HPSE2: variants seen among roughly 807,000 people sequenced by gnomAD.
The protein encoded by HPSE2 is inactive heparanase-2.
Under a neutral mutation model 60.5 loss-of-function variants are expected in HPSE2, and 38 were observed. The ratio of observed to expected loss-of-function variants is 0.63; its 90% CI spans 0.48 to 0.82. The LOEUF is 0.82. Ranked by LOEUF, HPSE2 falls within the 40% of genes least tolerant of loss-of-function variation. The probability of loss-of-function intolerance (pLI) is 0.00; values close to 1 mark genes in which losing one functional copy is unlikely to be tolerated. For missense variants in HPSE2, 713 were observed against 740.4 expected, an observed-to-expected ratio of 0.96 and a Z score of 0.43; for synonymous variants, 295 against 293.2, an observed-to-expected ratio of 1.01 and a Z score of -0.06.
In HPSE2 at chr10:99,003,640, A is replaced by G. The variant is rs538661405; in HGVS notation, c.610+140598T>C. Among the ~76,000 whole-genome samples the G allele has an allele frequency of 2.6e-5, 4 of 152,180 alleles. No homozygotes were observed. In the South Asian group the frequency reaches 6.2e-4, roughly 24 times the overall value. The stretch of plus-strand genomic sequence containing the variant: ...CCATTTTTATAGCTTCTTTTGAGAT[A>G]TATCTATTCAGGTCCTTTGCCCAGT... On this transcript the variant is annotated intron_variant, in intron 3 of 11. Transcript: ENST00000370552.
intron 9 of HPSE2, among the ~76,000 whole-genome samples, chr10:98,530,464 T>C (rs1373471865): frequency 6.6e-6 from 1 of 152,198 alleles, no homozygotes; most frequent in African/African-American, 2.4e-5. Context: ...GGACTCTACT[T>C]TGAGAACTGT....
intron 3 of HPSE2, among the ~76,000 whole-genome samples, chr10:98,892,282 T>A (rs1426058796): frequency 6.6e-6 from 1 of 152,206 alleles, no homozygotes; most frequent in Non-Finnish European, 1.5e-5. Context: ...ATATCTCTGT[T>A]GCATTATCCG....
chr10:99,000,650 A>C (rs555791871), intron 3 of HPSE2, among the ~76,000 whole-genome samples: 68 of 152,218 alleles, frequency 4.5e-4, no homozygotes, highest in Middle Eastern at 3.4e-3. Context: ...TCAGGCAAGT[A>C]ATTAGGAAAA....
chr10:99,136,996 C>T (rs545590466), intron 3 of HPSE2, among the ~76,000 whole-genome samples: 3 of 152,278 alleles, frequency 2.0e-5, no homozygotes, highest in African/African-American at 4.8e-5. Flanking sequence ...AAAACCCCAT[C>T]TTCTCAGCCC....
At chr10:98,895,782 G>GT (rs1212555394) in intron 3 of HPSE2, among the ~76,000 whole-genome samples, 4 of 151,032 alleles carry the variant, frequency 2.6e-5, no homozygotes, top group Non-Finnish European at 5.9e-5. Flanking sequence ...CATGTCCTTT[G>GT]TAGGGACATG....
At chr10:98,873,322 G>A (rs1952783927) in intron 3 of HPSE2, among the ~76,000 whole-genome samples, 1 of 151,906 alleles carries the variant, frequency 6.6e-6, no homozygotes, top group Non-Finnish European at 1.5e-5. Context: ...GTGGTTTGCT[G>A]CACCTATTGA....
At chr10:99,181,756 G>A (rs558236642) in intron 2 of HPSE2, among the ~76,000 whole-genome samples, 36 of 152,212 alleles carry the variant, frequency 2.4e-4, no homozygotes, top group Middle Eastern at 3.4e-3. Context: ...GAGGTATAGC[G>A]TTAGGAGAAA....
chr10:99,169,842 T>A (rs1267857304), intron 2 of HPSE2, among the ~76,000 whole-genome samples: 1 of 152,128 alleles, frequency 6.6e-6, no homozygotes, highest in Non-Finnish European at 1.5e-5. Flanking sequence ...ACAGAAAGTA[T>A]TTTAGGTTTT....
At chr10:99,133,484 G>A (rs1473114950) in intron 3 of HPSE2, among the ~76,000 whole-genome samples, 1 of 152,160 alleles carries the variant, frequency 6.6e-6, no homozygotes, top group Non-Finnish European at 1.5e-5. Context: ...CCTCATACAG[G>A]AGAGCTCTGG....
intron 3 of HPSE2, among the ~76,000 whole-genome samples, chr10:99,046,354 CA>C (rs1957855008): frequency 1.3e-5 from 2 of 151,972 alleles, no homozygotes; most frequent in Non-Finnish European, 2.9e-5. Context: ...AGCTATATAA[CA>C]AACCCTCAGC....
chr10:99,045,726 A>G (rs1166791823), intron 3 of HPSE2, among the ~76,000 whole-genome samples: 2 of 152,170 alleles, frequency 1.3e-5, no homozygotes, highest in Non-Finnish European at 2.9e-5. Flanking sequence ...CACAAATTAG[A>G]AAATCTAGAG....
At chr10:98,768,369 C>A (rs10883196) in intron 3 of HPSE2, among the ~76,000 whole-genome samples, 3 of 152,034 alleles carry the variant, frequency 2.0e-5, no homozygotes, top group Non-Finnish European at 4.4e-5. Flanking sequence ...AGGAGGAAAG[C>A]GGGCAGGAGA....
At chr10:99,263,665 A>G in the HPSE2 span, among the ~76,000 whole-genome samples, 1 of 151,598 alleles carries the variant, frequency 6.6e-6, no homozygotes, top group South Asian at 2.1e-4. Context: ...GGTCACTCCT[A>G]TTTACTCTCC....
chr10:99,098,325 T>C (rs1843794989), intron 3 of HPSE2, among the ~76,000 whole-genome samples: 2 of 152,236 alleles, frequency 1.3e-5, no homozygotes, highest in African/African-American at 4.8e-5. Context: ...GTGTAGGTTA[T>C]ATGAAAATAT....
At chr10:98,567,249 G>T (rs1944373159) in intron 9 of HPSE2, among the ~76,000 whole-genome samples, 1 of 152,184 alleles carries the variant, frequency 6.6e-6, no homozygotes, top group Admixed American at 6.5e-5. Context: ...AGAGAGAGAA[G>T]GGCTCACATA....
chr10:98,864,073 A>C (rs2134792643), intron 3 of HPSE2, among the ~76,000 whole-genome samples: 1 of 152,314 alleles, frequency 6.6e-6, no homozygotes, highest in African/African-American at 2.4e-5. Context: ...AGAAACCTCT[A>C]GTCCACATGT....
At chr10:98,914,419 A>C (rs1166073194) in intron 3 of HPSE2, among the ~76,000 whole-genome samples, 1 of 151,922 alleles carries the variant, frequency 6.6e-6, no homozygotes, top group African/African-American at 2.4e-5. Flanking sequence ...CAGAGGTAAA[A>C]TAAAAAACAC....
At chr10:98,985,968 A>G (rs1319999809) in intron 3 of HPSE2, among the ~76,000 whole-genome samples, 1 of 152,246 alleles carries the variant, frequency 6.6e-6, no homozygotes, top group South Asian at 2.1e-4. Context: ...TGCACCCAAC[A>G]CAGGAGCACC....
chr10:98,827,221 T>G (rs952982862), intron 3 of HPSE2, among the ~76,000 whole-genome samples: 3 of 152,110 alleles, frequency 2.0e-5, no homozygotes, highest in Non-Finnish European at 2.9e-5. Flanking sequence ...TTGTTTGTTT[T>G]TTGAGACGGA....
Sources: gnomAD v4.1 joint callset for allele counts (sites outside exome capture counted in the v4.1 genomes callset) on GRCh38, gnomAD v4.1.1 for gene constraint, MANE v1.5 for transcripts, NCBI Gene and HGNC (gene_info 2026-07-23, HGNC 2026-07-21) for gene names.